The following LHFPL4 variants were observed in gnomAD, a reference collection of about 807,000 sequenced individuals.
LHFPL4 encodes the protein LHFPL tetraspan subfamily member 4 protein.
In LHFPL4, 6 loss-of-function variants were observed where a neutral mutation model predicts 20.0. The ratio of observed to expected loss-of-function variants is 0.30; its 90% CI spans 0.16 to 0.59. The LOEUF is 0.59. Among genes scored for constraint, LHFPL4 ranks in the 20% least tolerant of loss-of-function variants. The pLI is 0.88. For synonymous variants in LHFPL4, 129 were observed against 143.8 expected, an observed-to-expected ratio of 0.90 and a Z score of 0.74; for missense variants, 215 against 331.2, an observed-to-expected ratio of 0.65 and a Z score of 2.72.
Position 9,506,040 on chromosome 3 carries a change from G to C in LHFPL4, c.570C>G (p.Leu190=). ...TGCCCAGCACGAAGGCGAGGAAGGA[G>C]AGGATGAGGGCGTTGAGGATGCCGA... ...AIIGILNALI[L]SFLAFVLGNR... The change falls in exon 3 of 4, where the codon CTC becomes CTG. Residue 190 remains leucine (L), a synonymous_variant. Coordinates refer to ENST00000287585, the MANE Select transcript of LHFPL4 (RefSeq NM_198560.3). The surrounding 1 kb of genome is among the most constrained non-coding windows in gnomAD (Gnocchi z 4.5). 6.2e-7 allele frequency: 1 copy of C among 1,614,238 alleles called. No homozygotes were observed.
intron 2 of LHFPL4, among the ~76,000 whole-genome samples, chr3:9,542,430 A>G (rs961259341): frequency 6.6e-6 from 1 of 152,236 alleles, no homozygotes; most frequent in Non-Finnish European, 1.5e-5. Context: ...ATTCAGCCAT[A>G]AAAAGAAATG....
intron 3 of LHFPL4, among the ~76,000 whole-genome samples, chr3:9,503,008 T>C (rs2046188766): frequency 6.6e-6 from 1 of 152,088 alleles, no homozygotes; most frequent in Admixed American, 6.5e-5. Context: ...ATATATATAT[T>C]TCTTTCTTTT....
chr3:9,516,300 T>A (rs2046300935), intron 2 of LHFPL4, among the ~76,000 whole-genome samples: 2 of 152,108 alleles, frequency 1.3e-5, no homozygotes. Flanking sequence ...ATCTTGCATG[T>A]GGATATTCAG....
intron 2 of LHFPL4, among the ~76,000 whole-genome samples, chr3:9,519,000 C>T (rs146431036): frequency 1.0e-3 from 159 of 151,694 alleles, no homozygotes; most frequent in African/African-American, 3.5e-3. Flanking sequence ...TTCAGTGGCA[C>T]GATGTCAGCT....
intron 2 of LHFPL4, among the ~76,000 whole-genome samples, chr3:9,529,608 A>G (rs934713941): frequency 6.6e-5 from 10 of 152,022 alleles, no homozygotes; most frequent in African/African-American, 2.4e-4. Flanking sequence ...AATGAGCACT[A>G]ATATTTTGAA....
intron 3 of LHFPL4, among the ~76,000 whole-genome samples, chr3:9,503,482 G>C (rs1490120184): frequency 1.3e-5 from 2 of 152,192 alleles, no homozygotes; most frequent in African/African-American, 2.4e-5. Flanking sequence ...TCTGAGTACA[G>C]GTTAGCAGAT....
chr3:9,524,926 G>A (rs1272895921), intron 2 of LHFPL4, among the ~76,000 whole-genome samples: 4 of 152,174 alleles, frequency 2.6e-5, no homozygotes, highest in African/African-American at 9.7e-5. Context: ...GTCCTACAAA[G>A]AGGTCTCCGT....
chr3:9,505,832 TA>T, intron 3 of LHFPL4, 134 bp downstream of exon 3: 1 of 834,646 alleles, frequency 1.2e-6, no homozygotes, highest in Non-Finnish European at 2.0e-6. Context: ...GTGCTGGGAT[TA>T]TAGGCGTGAG....
intron 2 of LHFPL4, among the ~76,000 whole-genome samples, chr3:9,540,535 A>G (rs2046470717): frequency 6.6e-6 from 1 of 152,150 alleles, no homozygotes; most frequent in African/African-American, 2.4e-5. Flanking sequence ...CAACCTTGAA[A>G]ATGAAGAACA....
chr3:9,505,598 G>C (rs1483193641), intron 3 of LHFPL4, among the ~76,000 whole-genome samples: 3 of 152,084 alleles, frequency 2.0e-5, no homozygotes, highest in Non-Finnish European at 2.9e-5. Context: ...TAATTTTTTT[G>C]TATTTTTAGT....
At chr3:9,524,879 T>A (rs1023276055) in intron 2 of LHFPL4, among the ~76,000 whole-genome samples, 16 of 152,170 alleles carry the variant, frequency 1.1e-4, no homozygotes, top group African/African-American at 3.6e-4. Context: ...TTTAGTGATG[T>A]GGTGGTAAGA....
chr3:9,526,393 G>C lies in LHFPL4; in HGVS notation c.407-20190C>G, dbSNP rs557814696. Among the ~76,000 whole-genome samples the C allele has an allele frequency of 3.3e-5, 5 of 152,298 alleles. No individual in the cohort carries two copies. The South Asian group carries it at 1.0e-3, about 32-fold the overall frequency. On this transcript the variant is annotated intron_variant, in intron 2 of 3. Coordinates refer to ENST00000287585, the MANE Select transcript of LHFPL4 (RefSeq NM_198560.3). ...GTAAAAATGATAAATTTTATGTCATGTGTATTTTACCACAATAAGAAAATG... is the reference window on the plus strand; with the variant it reads ...GTAAAAATGATAAATTTTATGTCATCTGTATTTTACCACAATAAGAAAATG...
At chr3:9,542,410 AG>A (rs1289798828) in intron 2 of LHFPL4, among the ~76,000 whole-genome samples, 2 of 152,226 alleles carry the variant, frequency 1.3e-5, no homozygotes, top group Non-Finnish European at 2.9e-5. Flanking sequence ...TGCCCATTCA[AG>A]GGGATATTAT....
chr3:9,537,924 C>T (rs993408907), intron 2 of LHFPL4, among the ~76,000 whole-genome samples: 1 of 152,114 alleles, frequency 6.6e-6, no homozygotes, highest in Non-Finnish European at 1.5e-5. Context: ...TGGACCTTTC[C>T]CCTTGCACAT....
chr3:9,544,039 G>A (rs2046495918), intron 2 of LHFPL4, among the ~76,000 whole-genome samples: 1 of 152,038 alleles, frequency 6.6e-6, no homozygotes, highest in African/African-American at 2.4e-5. Context: ...AATTTGTTAT[G>A]CAGCTATAGA....
chr3:9,512,078 G>A (rs1239510611), intron 2 of LHFPL4, among the ~76,000 whole-genome samples: 2 of 152,058 alleles, frequency 1.3e-5, no homozygotes, highest in African/African-American at 2.4e-5. Context: ...GACTACAGGC[G>A]CCCGCCACCA....
intron 3 of LHFPL4, among the ~76,000 whole-genome samples, chr3:9,505,130 C>T (rs939037177): frequency 9.9e-5 from 15 of 152,160 alleles, no homozygotes; most frequent in East Asian, 3.8e-4. Context: ...CAGCCACCAG[C>T]GCCCTTGAAC....
intron 3 of LHFPL4, among the ~76,000 whole-genome samples, chr3:9,503,941 G>T (rs571346095): frequency 3.3e-5 from 5 of 152,192 alleles, no homozygotes; most frequent in African/African-American, 1.2e-4. Flanking sequence ...CAGGAGAATC[G>T]CTTAAGCCCA....
At chr3:9,535,186 A>G (rs79675758) in intron 2 of LHFPL4, among the ~76,000 whole-genome samples, 165 of 152,364 alleles carry the variant, frequency 1.1e-3, no homozygotes, top group African/African-American at 3.9e-3. Flanking sequence ...AACACACAAC[A>G]TAATTTCTTT....
Sources: allele counts gnomAD v4.1 joint callset (sites outside exome capture counted in the v4.1 genomes callset), GRCh38; gene constraint gnomAD v4.1.1; non-coding constraint Gnocchi (gnomAD v3.1); transcripts MANE v1.5; gene names NCBI Gene and HGNC (gene_info 2026-07-23, HGNC 2026-07-21).